The following LPCAT2 variants were observed in gnomAD, a reference collection of about 807,000 sequenced individuals.
LPCAT2 encodes the protein 1-AGP acyltransferase 11.
Under a neutral mutation model 64.7 loss-of-function variants are expected in LPCAT2, and 58 were observed. That is an observed-to-expected ratio of 0.90 (90% confidence interval 0.73 to 1.12). LPCAT2 has a LOEUF of 1.12. Among genes scored for constraint, LPCAT2 ranks in the 50% most tolerant of loss-of-function variants. LPCAT2 has a pLI of 0.00. For missense variants in LPCAT2, 579 were observed against 669.8 expected, an observed-to-expected ratio of 0.86 and a Z score of 1.50; for synonymous variants, 252 against 245.3, an observed-to-expected ratio of 1.03 and a Z score of -0.26.
At chr16:55,521,727 T>C (rs1963098745) in intron 1 of LPCAT2, among the ~76,000 whole-genome samples, 1 of 151,690 alleles carries the variant, frequency 6.6e-6, no homozygotes, top group African/African-American at 2.4e-5. Flanking sequence ...GCAGAACATA[T>C]GATAAAATGC....
intron 12 of LPCAT2, among the ~76,000 whole-genome samples, chr16:55,575,848 G>GGT (rs1963821958): frequency 1.3e-5 from 2 of 152,218 alleles, no homozygotes; most frequent in Non-Finnish European, 2.9e-5. Flanking sequence ...AATGGTTGAT[G>GGT]CTTAGCAGAT....
chr16:55,574,075 C>A lies in LPCAT2; in HGVS notation c.1216-556C>A, dbSNP rs79868283. Among the ~76,000 whole-genome samples, 958 of 152,206 alleles carry A rather than the reference C, an allele frequency of 6.3e-3. 9 individuals carry two copies. Among genetic ancestry groups the A allele is most frequent in the African/African-American group, 0.022 (895 of 41,512 alleles). The stretch of plus-strand genomic sequence containing the variant: ...GTGTAAGATCTTCTGGGGTGATGTC[C>A]CCCAGGGCTATTAAAGTTGCCCAAG... On this transcript the variant is annotated intron_variant, in intron 11 of 13. Coordinates refer to ENST00000262134, the MANE Select transcript of LPCAT2 (RefSeq NM_017839.5).
At chr16:55,576,752 T>C (rs1355321630) in intron 12 of LPCAT2, among the ~76,000 whole-genome samples, 2 of 152,162 alleles carry the variant, frequency 1.3e-5, no homozygotes, top group Non-Finnish European at 2.9e-5. Flanking sequence ...GGTGTTAAAC[T>C]TTCTACCAGA....
chr16:55,525,644 G>C lies in LPCAT2; in HGVS notation c.308G>C (p.Arg103Thr), dbSNP rs368070653. Residue 103 changes from arginine (R) to threonine (T), a missense_variant, in exon 2 of 14, where the codon AGG becomes ACG. Transcript: ENST00000262134. ...CTGACCCACCCAATAACTGGTTGGA[G>C]GAGGTAAGAAATAATTTTGTCCAAA... ...EKLTHPITGW[R>T]RKITQTALKF... 4.4e-6 allele frequency: 7 copies of C among 1,596,686 alleles called. No individual in the cohort carries two copies. Among genetic ancestry groups the C allele is most frequent in the African/African-American group, 4.1e-5 (3 of 73,884 alleles).
intron 9 of LPCAT2, among the ~76,000 whole-genome samples, chr16:55,547,004 A>ATG (rs1567399580): frequency 6.6e-6 from 1 of 152,086 alleles, no homozygotes; most frequent in African/African-American, 2.4e-5. Flanking sequence ...AAAATTAGCC[A>ATG]GGCATTATGG....
At chr16:55,574,381 G>T (rs1963803733) in intron 11 of LPCAT2, among the ~76,000 whole-genome samples, 1 of 152,124 alleles carries the variant, frequency 6.6e-6, no homozygotes, top group South Asian at 2.1e-4. Flanking sequence ...CCCACACTGG[G>T]TGCCATAGAG....
At position 55,585,078 on chromosome 16, in the gene LPCAT2, TA is replaced by T. The variant is rs1372618622; in HGVS notation, c.*1985del. On this transcript the variant is annotated 3_prime_UTR_variant, in exon 14 of 14. Coordinates refer to ENST00000262134, the MANE Select transcript of LPCAT2 (RefSeq NM_017839.5). ...AAGTGATCCCATTGCTTTCCTGTTTTAAAAATATTTTATGCTCTTTATTTCC... is the reference window on the plus strand; with the variant it reads ...AAGTGATCCCATTGCTTTCCTGTTTTAAAATATTTTATGCTCTTTATTTCC... 1 of 152,188 alleles carries T rather than the reference TA, an allele frequency of 6.6e-6. No homozygotes were observed. Among genetic ancestry groups the T allele is most frequent in the Non-Finnish European group, 1.5e-5 (1 of 68,012 alleles). 9.4% of individuals were successfully genotyped at this position (152,188 alleles called of 1,614,324 possible).
Position 55,549,408 on chromosome 16 carries a change from T to A in LPCAT2, c.1061+6T>A. Reference sequence around the variant, plus strand: ...AAAATTAGCCGAAAATTGAAGTAAGTGTATTTTAAAATGACTACACTTTCA... The same window carrying A: ...AAAATTAGCCGAAAATTGAAGTAAGAGTATTTTAAAATGACTACACTTTCA... On this transcript the variant is annotated splice_donor_region_variant and intron_variant, in intron 10 of 13. Coordinates refer to ENST00000262134, the MANE Select transcript of LPCAT2 (RefSeq NM_017839.5). The A allele has an allele frequency of 1.3e-6, 2 of 1,583,964 alleles. No homozygotes were observed. The highest frequency in any genetic ancestry group is 1.7e-6 in the Non-Finnish European group (2 of 1,171,474).
chr16:55,509,156 G>C lies in LPCAT2; in HGVS notation c.-26G>C, dbSNP rs45484691. The C allele has an allele frequency of 2.3e-3, 3,010 of 1,310,596 alleles. 6 individuals are homozygous for C. The highest frequency in any genetic ancestry group is 2.6e-3 in the Non-Finnish European group (2,697 of 1,025,242). 81.2% of individuals were successfully genotyped at this position (1,310,596 alleles called of 1,614,324 possible). A position where few individuals can be genotyped will look rare whatever the true frequency, so the allele number is the denominator to read the frequency against. On this transcript the variant is annotated 5_prime_UTR_variant, in exon 1 of 14. Transcript: ENST00000262134. ...CTGCAGCGCCCGCGTAGATCGCTTC[G>C]GCCGGGTTCTACGCCCGGCTCAACT...
In LPCAT2 at chr16:55,509,236, G is replaced by A. The variant is rs776239999; in HGVS notation, c.55G>A (p.Val19Ile). The change falls in exon 1 of 14, where the codon GTC becomes ATC. Residue 19 changes from valine (V) to isoleucine (I), a missense_variant. Val to Ile is a conservative substitution (Grantham distance 29, BLOSUM62 3). Transcript: ENST00000262134. ...EVAATVPGAG[V>I]GNVGLRPPMV... The stretch of plus-strand genomic sequence containing the variant: ...GGCGGCCACAGTGCCAGGTGCCGGC[G>A]TCGGGAACGTGGGGCTGCGGCCGCC... The A allele has an allele frequency of 9.5e-6, 14 of 1,474,156 alleles. No individual in the cohort carries two copies. The East Asian group carries it at 3.5e-4, about 37-fold the overall frequency. 91.3% of individuals were successfully genotyped at this position (1,474,156 alleles called of 1,614,324 possible).
At position 55,584,626 on chromosome 16, in the gene LPCAT2, T is replaced by TCACCA. The variant is rs1240311165; in HGVS notation, c.*1528_*1529insCACCA. On this transcript the variant is annotated 3_prime_UTR_variant, in exon 14 of 14. Coordinates refer to ENST00000262134, the MANE Select transcript of LPCAT2 (RefSeq NM_017839.5). ...CTTGTTTTGGCCGTGTTTCTGAATG[T>TCACCA]ATTGGTGATTCACCCCCAAGCTAAT... 1 of 152,178 alleles carries TCACCA rather than the reference T, an allele frequency of 6.6e-6. No homozygotes were observed. Among genetic ancestry groups the TCACCA allele is most frequent in the Non-Finnish European group, 1.5e-5 (1 of 68,022 alleles). The allele number at this position is 152,178 out of a possible 1,614,324, so 9.4% of individuals were successfully genotyped here. A position where few individuals can be genotyped will look rare whatever the true frequency, so the allele number is the denominator to read the frequency against.
At chr16:55,515,240 C>CTG (rs201671170) in intron 1 of LPCAT2, among the ~76,000 whole-genome samples, 1 of 112,956 alleles carries the variant, frequency 8.9e-6, no homozygotes, top group Non-Finnish European at 2.1e-5. Context: ...TCAAAGATAC[C>CTG]TATATATAGT....
At chr16:55,551,916 C>G (rs1567401050) in intron 11 of LPCAT2, among the ~76,000 whole-genome samples, 1 of 152,038 alleles carries the variant, frequency 6.6e-6, no homozygotes, top group Non-Finnish European at 1.5e-5. Context: ...CCACTGCATT[C>G]CAGCCTGAGC....
intron 1 of LPCAT2, among the ~76,000 whole-genome samples, chr16:55,512,438 C>CT (rs149093795): frequency 0.032 from 4,805 of 152,164 alleles, 101 homozygotes; most frequent in Non-Finnish European, 0.05. Context: ...ACCCCAGCCC[C>CT]TTTTTTTCCC....
In LPCAT2 at chr16:55,525,600, A is replaced by T. The variant is rs1361081891; in HGVS notation, c.264A>T (p.Thr88=). Residue 88 remains threonine, a synonymous_variant, in exon 2 of 14, where the codon ACA becomes ACT. Coordinates refer to ENST00000262134, the MANE Select transcript of LPCAT2 (RefSeq NM_017839.5). ...LLAWPFAAIS[T]VCCPEKLTHP... is the part of the protein sequence containing the mutation. The stretch of plus-strand genomic sequence containing the variant: ...CATGGCCATTTGCTGCAATTTCAAC[A>T]GTATGCTGTCCTGAAAAGCTGACCC... 1 of 1,612,646 alleles carries T rather than the reference A, an allele frequency of 6.2e-7. No homozygotes were observed.
At position 55,584,376 on chromosome 16, in the gene LPCAT2, T is replaced by C. The variant is rs1963921815; in HGVS notation, c.*1278T>C. 6.6e-6 allele frequency: 1 copy of C among 152,196 alleles called. No homozygotes were observed. The highest frequency in any genetic ancestry group is 2.4e-5 in the African/African-American group (1 of 41,458). 9.4% of individuals were successfully genotyped at this position (152,196 alleles called of 1,614,324 possible). A position where few individuals can be genotyped will look rare whatever the true frequency, so the allele number is the denominator to read the frequency against. On this transcript the variant is annotated 3_prime_UTR_variant, in exon 14 of 14. Coordinates refer to ENST00000262134, the MANE Select transcript of LPCAT2 (RefSeq NM_017839.5). ...AGCTAGGGAATCAACAAACGTACTT[T>C]ATTAATGCAAGACCACAATTTAAGC... is the stretch of plus-strand genomic sequence containing the variant.
chr16:55,551,789 G>A (rs1963521332), intron 11 of LPCAT2, among the ~76,000 whole-genome samples: 1 of 152,020 alleles, frequency 6.6e-6, no homozygotes, highest in Non-Finnish European at 1.5e-5. Flanking sequence ...AAAATTGATA[G>A]TATACAGAAA....
intron 8 of LPCAT2, chr16:55,542,147 T>C: frequency 6.6e-6 from 2 of 301,348 alleles, no homozygotes; most frequent in Non-Finnish European, 1.2e-5. Flanking sequence ...CTGGCTTTGG[T>C]TGATGGATGT....
chr16:55,514,528 T>C (rs1366264252), intron 1 of LPCAT2, among the ~76,000 whole-genome samples: 1 of 152,214 alleles, frequency 6.6e-6, no homozygotes, highest in African/African-American at 2.4e-5. Context: ...ATAAAAGCTT[T>C]ACAAATTAGT....
Sources: allele counts gnomAD v4.1 joint callset (sites outside exome capture counted in the v4.1 genomes callset), GRCh38; gene constraint gnomAD v4.1.1; transcripts MANE v1.5; gene names NCBI Gene and HGNC (gene_info 2026-07-23, HGNC 2026-07-21).